Variants in ITGB3BP observed in about 807,000 individuals in gnomAD.
ITGB3BP encodes integrin subunit beta 3 binding protein, also known as centromere protein R.
Under a neutral mutation model 29.1 loss-of-function variants are expected in ITGB3BP, and 27 were observed. That is an observed-to-expected ratio of 0.93 (90% CI 0.68 to 1.28). The LOEUF is 1.28. ITGB3BP is among the 50% of genes most tolerant of loss of function. The pLI, the probability that ITGB3BP is intolerant of heterozygous loss-of-function variation, is 0.00. For missense variants in ITGB3BP, 192 were observed against 200.2 expected, an observed-to-expected ratio of 0.96 and a Z score of 0.25; for synonymous variants, 61 against 61.4, an observed-to-expected ratio of 0.99 and a Z score of 0.03.
chr1:63,515,272 T>C (rs1034732074), intron 1 of ITGB3BP, among the ~76,000 whole-genome samples: 2 of 152,104 alleles, frequency 1.3e-5, no homozygotes, highest in Non-Finnish European at 2.9e-5. Context: ...TCTTCTGTTA[T>C]CCCCACTGAG....
At chr1:63,498,554 A>G (rs552658148) in intron 2 of ITGB3BP, among the ~76,000 whole-genome samples, 1 of 152,244 alleles carries the variant, frequency 6.6e-6, no homozygotes, top group East Asian at 1.9e-4. Flanking sequence ...GGATGTAGTG[A>G]AAGTGGTACT....
chr1:63,502,528 T>TA (rs1553165584), intron 2 of ITGB3BP, among the ~76,000 whole-genome samples: 1 of 150,814 alleles, frequency 6.6e-6, no homozygotes, highest in Non-Finnish European at 1.5e-5. Context: ...TTTTTTTTTT[T>TA]AATACTTTAA....
chr1:63,470,758 G>A (rs543602380), intron 4 of ITGB3BP, among the ~76,000 whole-genome samples: 1 of 151,954 alleles, frequency 6.6e-6, no homozygotes, highest in South Asian at 2.1e-4. Flanking sequence ...ATACACTTCT[G>A]TTGGGTATAT....
chr1:63,498,430 T>C (rs1369214452), intron 2 of ITGB3BP, among the ~76,000 whole-genome samples: 1 of 151,964 alleles, frequency 6.6e-6, no homozygotes, highest in Non-Finnish European at 1.5e-5. Context: ...TACACAAATA[T>C]GTGTAAATCA....
Position 63,508,565 on chromosome 1 carries a change from T to C in ITGB3BP, c.11A>G (p.Lys4Arg). Reference sequence around the variant, plus strand: ...CAGACCATCCAACTTCAGTGATCTTTTAACACTACAAACAAAAAATTTAAA... The same window carrying C: ...CAGACCATCCAACTTCAGTGATCTTCTAACACTACAAACAAAAAATTTAAA... MPV[K>R]RSLKLDGLLE... Residue 4 changes from lysine (K) to arginine (R), a missense_variant, in exon 2 of 9, where the codon AAA becomes AGA. Coordinates refer to ENST00000271002, the MANE Select transcript of ITGB3BP (RefSeq NM_014288.5). 1.4e-6 allele frequency: 2 copies of C among 1,393,890 alleles called. No homozygotes were observed. Among genetic ancestry groups the C allele is most frequent in the South Asian group, 2.8e-5 (2 of 71,390 alleles). 86.3% of individuals were successfully genotyped at this position (1,393,890 alleles called of 1,614,324 possible). A position where few individuals can be genotyped will look rare whatever the true frequency, so the allele number is the denominator to read the frequency against.
At position 63,485,521 on chromosome 1, in the gene ITGB3BP, T is replaced by G. The variant is rs79250586; in HGVS notation, c.184+4562A>C. ...CTCCAATTGTTTGACTTTTGCTTTA[T>G]AGTCAGCAAAACTTGTAATTAGATT... is the stretch of plus-strand genomic sequence containing the variant. On this transcript the variant is annotated intron_variant, in intron 3 of 8. Transcript: ENST00000271002. 9.6e-3 allele frequency among the ~76,000 whole-genome samples: 1,464 copies of G among 152,064 alleles called. 21 individuals carry two copies. Among genetic ancestry groups the G allele is most frequent in the African/African-American group, 0.033 (1,352 of 41,540 alleles).
intron 3 of ITGB3BP, among the ~76,000 whole-genome samples, chr1:63,483,324 T>C (rs557720119): frequency 1.3e-5 from 2 of 152,336 alleles, no homozygotes; most frequent in African/African-American, 2.4e-5. Flanking sequence ...GGTAAGATAT[T>C]TGACTAGTTC....
chr1:63,494,224 C>T (rs1026951632), intron 2 of ITGB3BP, among the ~76,000 whole-genome samples: 1 of 151,996 alleles, frequency 6.6e-6, no homozygotes, highest in African/African-American at 2.4e-5. Context: ...ACTGCAACCT[C>T]TGCCTCCCGG....
At chr1:63,475,578 T>C (rs1222318619) in intron 4 of ITGB3BP, among the ~76,000 whole-genome samples, 1 of 151,998 alleles carries the variant, frequency 6.6e-6, no homozygotes, top group Non-Finnish European at 1.5e-5. Flanking sequence ...AAAATCCAAG[T>C]CTTTATGCAG....
At chr1:63,516,377 A>AGGG (rs1646327475) in intron 1 of ITGB3BP, among the ~76,000 whole-genome samples, 1 of 118,674 alleles carries the variant, frequency 8.4e-6, no homozygotes, top group African/African-American at 2.9e-5. Flanking sequence ...GGGGGGGGGA[A>AGGG]GGGAAAAGGA....
intron 1 of ITGB3BP, among the ~76,000 whole-genome samples, chr1:63,514,023 AC>A (rs1283165262): frequency 6.6e-6 from 1 of 152,172 alleles, no homozygotes; most frequent in Non-Finnish European, 1.5e-5. Context: ...TGAGGAGGGT[AC>A]CTCAGGCTCC....
In ITGB3BP at chr1:63,493,076, A is replaced by ACG. The variant is rs1570253973; in HGVS notation, c.49-2859_49-2858insCG. 3.5e-5 allele frequency among the ~76,000 whole-genome samples: 5 copies of ACG among 143,918 alleles called. No individual in the cohort carries two copies. The East Asian group carries it at 1.0e-3, about 30-fold the overall frequency. The allele number at this position is 143,918 out of a possible 152,430, so 94.4% of individuals were successfully genotyped here. Reference sequence around the variant, plus strand: ...TAGTGAGCTGTGGATCACACCACACACACACACACACACGCGCGCGCGCGC... The same window carrying ACG: ...TAGTGAGCTGTGGATCACACCACACACGCACACACACACACGCGCGCGCGCGC... On this transcript the variant is annotated intron_variant, in intron 2 of 8. Coordinates refer to ENST00000271002, the MANE Select transcript of ITGB3BP (RefSeq NM_014288.5).
At chr1:63,520,807 T>C (rs971603756) in intron 1 of ITGB3BP, among the ~76,000 whole-genome samples, 1 of 151,968 alleles carries the variant, frequency 6.6e-6, no homozygotes, top group Non-Finnish European at 1.5e-5. Context: ...TTATCATTTC[T>C]CTGTATTTAT....
intron 1 of ITGB3BP, among the ~76,000 whole-genome samples, chr1:63,514,600 C>A (rs1327358728): frequency 6.6e-6 from 1 of 152,038 alleles, no homozygotes; most frequent in Non-Finnish European, 1.5e-5. Flanking sequence ...AAATATAAAT[C>A]CTTTGTCTGA....
chr1:63,504,350 T>C (rs1383651154), intron 2 of ITGB3BP, among the ~76,000 whole-genome samples: 1 of 151,860 alleles, frequency 6.6e-6, no homozygotes, highest in Non-Finnish European at 1.5e-5. Flanking sequence ...GTGATTTTTG[T>C]ACATTGATTT....
chr1:63,512,609 T>C (rs1646225032), intron 1 of ITGB3BP, among the ~76,000 whole-genome samples: 1 of 152,158 alleles, frequency 6.6e-6, no homozygotes, highest in South Asian at 2.1e-4. Flanking sequence ...GCCTTCATGC[T>C]ATGCCAAATT....
At chr1:63,491,509 C>G (rs916969558) in intron 2 of ITGB3BP, among the ~76,000 whole-genome samples, 1 of 152,136 alleles carries the variant, frequency 6.6e-6, no homozygotes, top group Admixed American at 6.6e-5. Flanking sequence ...ATGGCTCATA[C>G]ATTGCCAACA....
At chr1:63,494,943 T>C (rs888561966) in intron 2 of ITGB3BP, among the ~76,000 whole-genome samples, 6 of 152,046 alleles carry the variant, frequency 3.9e-5, no homozygotes, top group Non-Finnish European at 8.8e-5. Context: ...GCTGAGGCTA[T>C]AGGCACGCAC....
At chr1:63,522,452 A>G (rs560107045) in intron 1 of ITGB3BP, among the ~76,000 whole-genome samples, 10 of 152,254 alleles carry the variant, frequency 6.6e-5, no homozygotes, top group African/African-American at 9.6e-5. Context: ...CCCAACCTTT[A>G]ATGGCTTTTT....
Sources: gnomAD v4.1 joint callset for allele counts (sites outside exome capture counted in the v4.1 genomes callset) on GRCh38, gnomAD v4.1.1 for gene constraint, MANE v1.5 for transcripts, NCBI Gene and HGNC (gene_info 2026-07-23, HGNC 2026-07-21) for gene names.